Variants in PRICKLE2 observed in about 807,000 individuals in gnomAD.
The protein encoded by PRICKLE2 is prickle planar cell polarity protein 2, also known as prickle-like protein 2.
A neutral mutation model predicts 81.4 loss-of-function variants in PRICKLE2; 21 were observed. That is an observed-to-expected ratio of 0.26 (90% confidence interval 0.18 to 0.37). The LOEUF is 0.37. PRICKLE2 is among the 10% of genes least tolerant of loss of function. The pLI is 1.00. For missense variants in PRICKLE2, 940 were observed against 1,109.0 expected (o/e 0.85, Z 2.16); for synonymous variants, 456 against 421.5 (o/e 1.08, Z -1.00).
At chr3:64,214,353 A>G (rs923688627) in intron 1 of PRICKLE2, among the ~76,000 whole-genome samples, 10 of 152,228 alleles carry the variant, frequency 6.6e-5, no homozygotes, top group Admixed American at 1.3e-4. Flanking sequence ...CCAGACACCA[A>G]TGCTGGATGT....
chr3:64,241,402 G>A (rs997824482), intron 2 of PRICKLE2, among the ~76,000 whole-genome samples: 22 of 152,094 alleles, frequency 1.4e-4, no homozygotes, highest in Non-Finnish European at 2.4e-4. Context: ...TATCCTGCTC[G>A]TTTCTCTTAT....
chr3:64,153,387 A>G lies in PRICKLE2; in HGVS notation c.601-19T>C. On this transcript the variant is annotated intron_variant, in intron 5 of 7. Coordinates refer to ENST00000638394, the MANE Select transcript of PRICKLE2 (RefSeq NM_198859.4). ...AGATGATCTGGAGATGGGGAAGCCA[A>G]ATGGTCAGTGTGTAAAACCCATCCA... The G allele has an allele frequency of 6.2e-7, 1 of 1,613,340 alleles. No homozygotes were observed. The highest frequency in any genetic ancestry group is 8.5e-7 in the Non-Finnish European group (1 of 1,179,780).
At chr3:64,263,432 A>C (rs1418825145) in intron 2 of PRICKLE2, among the ~76,000 whole-genome samples, 1 of 152,214 alleles carries the variant, frequency 6.6e-6, no homozygotes, top group Non-Finnish European at 1.5e-5. Flanking sequence ...AGGAGAAATC[A>C]GGTCAGGCCA....
At chr3:64,140,004 C>T (rs980154519) in intron 7 of PRICKLE2, among the ~76,000 whole-genome samples, 1 of 152,192 alleles carries the variant, frequency 6.6e-6, no homozygotes, top group Admixed American at 6.5e-5. Context: ...AGGGCAAGGC[C>T]CATGTCCAAT....
intron 2 of PRICKLE2, among the ~76,000 whole-genome samples, chr3:64,250,844 G>A (rs2079437044): frequency 6.6e-6 from 1 of 152,062 alleles, no homozygotes; most frequent in South Asian, 2.1e-4. Context: ...GCTAATATAG[G>A]TGCTGGTCCC....
chr3:64,121,242 G>T (rs2106967724), intron 7 of PRICKLE2, among the ~76,000 whole-genome samples: 1 of 152,252 alleles, frequency 6.6e-6, no homozygotes, highest in East Asian at 1.9e-4. Flanking sequence ...ATCCTCTCTG[G>T]ATTATGCAAA....
intron 2 of PRICKLE2, among the ~76,000 whole-genome samples, chr3:64,191,984 T>C (rs153728): frequency 0.2 from 29,783 of 152,180 alleles, 3,477 homozygotes; most frequent in East Asian, 0.48. Context: ...TGCCTCAGGT[T>C]TGCTAAATGC....
intron 1 of PRICKLE2, among the ~76,000 whole-genome samples, chr3:64,217,040 G>C (rs1460804613): frequency 6.6e-6 from 1 of 152,172 alleles, no homozygotes; most frequent in Non-Finnish European, 1.5e-5. Context: ...GGGAAGGGGA[G>C]AGCTGTAGCT....
At chr3:64,208,370 AC>A (rs1405530609) in intron 1 of PRICKLE2, among the ~76,000 whole-genome samples, 1 of 152,078 alleles carries the variant, frequency 6.6e-6, no homozygotes, top group Admixed American at 6.6e-5. Flanking sequence ...GGATCATGTG[AC>A]CCCCACACAG....
intron 2 of PRICKLE2, among the ~76,000 whole-genome samples, chr3:64,175,892 C>T (rs539377630): frequency 1.3e-5 from 2 of 152,170 alleles, no homozygotes; most frequent in East Asian, 1.9e-4. Flanking sequence ...TTGCTTTGGG[C>T]TGCTAGTAAT....
chr3:64,150,523 T>C (rs2077528028), intron 6 of PRICKLE2, among the ~76,000 whole-genome samples: 2 of 152,146 alleles, frequency 1.3e-5, no homozygotes, highest in South Asian at 4.1e-4. Flanking sequence ...CTGTCTCTCC[T>C]GCCCTCTCCC....
intron 5 of PRICKLE2, chr3:64,155,170 A>AAG (rs2077612298): frequency 6.9e-6 from 1 of 145,688 alleles, no homozygotes; most frequent in East Asian, 2.0e-4. Flanking sequence ...AAAAAAAAAA[A>AAG]GGGAAAAATA....
chr3:64,178,224 C>T (rs537176458), intron 2 of PRICKLE2, among the ~76,000 whole-genome samples: 13 of 152,250 alleles, frequency 8.5e-5, no homozygotes, highest in African/African-American at 3.1e-4. Context: ...GATTGAAGTC[C>T]TTCAGTCATC....
At chr3:64,136,320 G>T (rs1433185471) in intron 7 of PRICKLE2, among the ~76,000 whole-genome samples, 1 of 151,742 alleles carries the variant, frequency 6.6e-6, no homozygotes, top group East Asian at 1.9e-4. Context: ...GGTTTCCTTA[G>T]CTCAGTGGTC....
intron 6 of PRICKLE2, 81 bp downstream of exon 6, chr3:64,153,101 A>G (rs546434032): frequency 1.5e-6 from 2 of 1,325,568 alleles, no homozygotes; most frequent in Admixed American, 1.7e-5. Context: ...AACACTTGCA[A>G]TCAAAGATAC....
At chr3:64,119,949 GGTGGGAACAAAAAAC>G (rs1324387305) in intron 7 of PRICKLE2, among the ~76,000 whole-genome samples, 4 of 152,154 alleles carry the variant, frequency 2.6e-5, no homozygotes, top group Non-Finnish European at 4.4e-5. Context: ...AGTGAATTAA[GGTGGGAACAAAAAAC>G]GAATTACCAC....
intron 7 of PRICKLE2, among the ~76,000 whole-genome samples, chr3:64,140,643 C>T (rs1158906797): frequency 6.6e-6 from 1 of 152,166 alleles, no homozygotes; most frequent in East Asian, 1.9e-4. Context: ...GAGCCCTGAC[C>T]TCTAATTTGC....
chr3:64,150,416 C>T (rs1266867847), intron 6 of PRICKLE2, among the ~76,000 whole-genome samples: 4 of 152,186 alleles, frequency 2.6e-5, no homozygotes, highest in African/African-American at 7.2e-5. Context: ...GGCCTACTGA[C>T]CACTCTTCTT....
At chr3:64,232,356 T>A (rs1262330158) in intron 2 of PRICKLE2, among the ~76,000 whole-genome samples, 1 of 152,218 alleles carries the variant, frequency 6.6e-6, no homozygotes, top group Non-Finnish European at 1.5e-5. Context: ...AGCTTGACAA[T>A]GCTTCTTCTA....
Sources: allele counts gnomAD v4.1 joint callset (sites outside exome capture counted in the v4.1 genomes callset), GRCh38; gene constraint gnomAD v4.1.1; transcripts MANE v1.5; gene names NCBI Gene and HGNC (gene_info 2026-07-23, HGNC 2026-07-21).